LRFN5: variants seen among roughly 807,000 people sequenced by gnomAD.
LRFN5 encodes the protein leucine rich repeat and fibronectin type III domain containing 5, also known as leucine-rich repeat and fibronectin type-III domain-containing protein 5.
Under a neutral mutation model 45.6 loss-of-function variants are expected in LRFN5, and 24 were observed. The ratio of observed to expected loss-of-function variants is 0.53; its 90% CI spans 0.38 to 0.74. LRFN5 has a LOEUF of 0.74. Among genes scored for constraint, LRFN5 ranks in the 30% least tolerant of loss-of-function variants. LRFN5 has a pLI of 0.00. For synonymous variants in LRFN5, 340 were observed against 313.8 expected, an observed-to-expected ratio of 1.08 and a Z score of -0.88; for missense variants, 776 against 861.5, an observed-to-expected ratio of 0.90 and a Z score of 1.24.
intron 1 of LRFN5, among the ~76,000 whole-genome samples, chr14:41,711,702 G>A (rs998753203): frequency 7.2e-5 from 11 of 152,048 alleles, no homozygotes; most frequent in African/African-American, 2.4e-4. Context: ...AGAAGATTCC[G>A]TTTCACAGAT....
chr14:41,738,650 C>G (rs1884551591), intron 1 of LRFN5, among the ~76,000 whole-genome samples: 2 of 152,266 alleles, frequency 1.3e-5, no homozygotes, highest in South Asian at 4.1e-4. Context: ...ACAGTCTTTT[C>G]AAGATCCCGT....
At chr14:41,853,124 G>C (rs772312015) in intron 2 of LRFN5, among the ~76,000 whole-genome samples, 5 of 151,890 alleles carry the variant, frequency 3.3e-5, no homozygotes, top group Non-Finnish European at 7.4e-5. Flanking sequence ...TGAATTTACT[G>C]TCTCCAAATT....
intron 1 of LRFN5, among the ~76,000 whole-genome samples, chr14:41,661,315 T>G (rs995113206): frequency 6.6e-6 from 1 of 151,940 alleles, no homozygotes; most frequent in Non-Finnish European, 1.5e-5. Flanking sequence ...TTTTTCAAAT[T>G]TTGCTCTTCA....
chr14:41,838,020 T>C (rs983437257), intron 2 of LRFN5, among the ~76,000 whole-genome samples: 3 of 152,194 alleles, frequency 2.0e-5, no homozygotes, highest in African/African-American at 7.2e-5. Flanking sequence ...CTAAAAAGGA[T>C]GTAGACCTGA....
At chr14:41,835,638 G>A (rs748587184) in intron 2 of LRFN5, among the ~76,000 whole-genome samples, 6 of 152,144 alleles carry the variant, frequency 3.9e-5, no homozygotes, top group South Asian at 4.1e-4. Flanking sequence ...AGGTGGGAGG[G>A]TCGCTTGAGC....
intron 2 of LRFN5, among the ~76,000 whole-genome samples, chr14:41,841,379 T>C (rs1888853812): frequency 6.6e-6 from 1 of 151,910 alleles, no homozygotes; most frequent in Non-Finnish European, 1.5e-5. Context: ...ATAAATTGCC[T>C]TGTTTTCCCC....
intron 1 of LRFN5, among the ~76,000 whole-genome samples, chr14:41,671,596 G>A (rs952039154): frequency 7.0e-5 from 6 of 85,630 alleles, no homozygotes; most frequent in African/African-American, 2.8e-4. Context: ...TGTGGATGTG[G>A]AGGAGAGATT....
intron 1 of LRFN5, among the ~76,000 whole-genome samples, chr14:41,725,148 T>C (rs1168453116): frequency 6.6e-6 from 1 of 152,210 alleles, no homozygotes; most frequent in Non-Finnish European, 1.5e-5. Flanking sequence ...ATTTATGCTT[T>C]ATTACTACTT....
At chr14:41,900,407 CTT>C (rs899422009) in intron 5 of LRFN5, among the ~76,000 whole-genome samples, 8 of 151,786 alleles carry the variant, frequency 5.3e-5, no homozygotes, top group African/African-American at 1.9e-4. Flanking sequence ...CTTTGGAAGT[CTT>C]TGTACTAAGA....
intron 2 of LRFN5, among the ~76,000 whole-genome samples, chr14:41,804,733 A>G (rs755483270): frequency 6.6e-6 from 1 of 152,182 alleles, no homozygotes; most frequent in Non-Finnish European, 1.5e-5. Context: ...TTTCACTGTC[A>G]CAATTTTCTC....
chr14:41,692,554 A>G (rs1566623783), intron 1 of LRFN5, among the ~76,000 whole-genome samples: 1 of 152,016 alleles, frequency 6.6e-6, no homozygotes, highest in Non-Finnish European at 1.5e-5. Context: ...TCCTAATGCT[A>G]TCCCTCCTAA....
intron 1 of LRFN5, among the ~76,000 whole-genome samples, chr14:41,717,754 A>G (rs1219100827): frequency 6.6e-6 from 1 of 152,206 alleles, no homozygotes; most frequent in Non-Finnish European, 1.5e-5. Flanking sequence ...ACTCTAGTGA[A>G]CATTGCTAAA....
At chr14:41,835,491 G>C (rs1888629951) in intron 2 of LRFN5, among the ~76,000 whole-genome samples, 1 of 152,160 alleles carries the variant, frequency 6.6e-6, no homozygotes, top group South Asian at 2.1e-4. Flanking sequence ...TTCCAGTAGG[G>C]TTAAATGTAG....
rs1275951392 is a variant in LRFN5 at position 41,813,048 on chromosome 14, A to G, written c.-21+46019A>G. Among the ~76,000 whole-genome samples the G allele has an allele frequency of 2.6e-4, 39 of 152,150 alleles. 1 individual carries two copies. Among genetic ancestry groups the G allele is most frequent in the Admixed American group, 2.6e-3 (39 of 15,248 alleles). On this transcript the variant is annotated intron_variant, in intron 2 of 5. Transcript: ENST00000298119. Reference sequence around the variant, plus strand: ...GAAATAGATAGGAAAGTTGTTTCCCACCCTTTGAAGTGGCTGTATTCCTAA... The same window carrying G: ...GAAATAGATAGGAAAGTTGTTTCCCGCCCTTTGAAGTGGCTGTATTCCTAA...
chr14:41,792,702 T>C (rs1400263655), intron 2 of LRFN5, among the ~76,000 whole-genome samples: 2 of 152,030 alleles, frequency 1.3e-5, no homozygotes, highest in Non-Finnish European at 2.9e-5. Context: ...CCTTGTTCCC[T>C]AAAAATCACT....
intron 2 of LRFN5, among the ~76,000 whole-genome samples, chr14:41,775,470 G>T (rs1274086377): frequency 6.6e-6 from 1 of 152,144 alleles, no homozygotes; most frequent in East Asian, 1.9e-4. Context: ...ATAAGAATCT[G>T]GCTTTCTTTT....
intron 2 of LRFN5, among the ~76,000 whole-genome samples, chr14:41,829,858 C>A (rs375876386): frequency 6.7e-6 from 1 of 149,688 alleles, no homozygotes; most frequent in South Asian, 2.1e-4. Flanking sequence ...AAATTATTTT[C>A]TTTGTCTCTT....
intron 1 of LRFN5, among the ~76,000 whole-genome samples, chr14:41,727,010 A>G (rs904717340): frequency 1.1e-4 from 16 of 152,138 alleles, no homozygotes; most frequent in African/African-American, 3.4e-4. Context: ...AGGTCATAAC[A>G]TCTTGGTGTT....
chr14:41,821,284 C>T (rs1888104158), intron 2 of LRFN5, among the ~76,000 whole-genome samples: 2 of 151,578 alleles, frequency 1.3e-5, no homozygotes, highest in Non-Finnish European at 3.0e-5. Context: ...TATGTTTCTT[C>T]CATTCCTAGT....
Sources: gnomAD v4.1 joint callset for allele counts (sites outside exome capture counted in the v4.1 genomes callset) on GRCh38, gnomAD v4.1.1 for gene constraint, MANE v1.5 for transcripts, NCBI Gene and HGNC (gene_info 2026-07-23, HGNC 2026-07-21) for gene names.